The following TTLL7 variants were observed in gnomAD, a reference collection of about 807,000 sequenced individuals.
TTLL7 encodes tubulin polyglutamylase TTLL7.
In TTLL7, 53 loss-of-function variants were observed where a neutral mutation model predicts 120.2. The observed-to-expected ratio is 0.44, with a 90% CI of 0.35 to 0.55. TTLL7 has a LOEUF of 0.55. TTLL7 is among the 20% of genes least tolerant of loss of function. The pLI, the probability that TTLL7 is intolerant of heterozygous loss-of-function variation, is 0.00. For missense variants in TTLL7, 803 were observed against 1,054.7 expected (o/e 0.76, Z 3.31); for synonymous variants, 353 against 351.7 (o/e 1.00, Z -0.04).
At chr1:83,924,453 T>C (rs971777155) in intron 10 of TTLL7, among the ~76,000 whole-genome samples, 3 of 152,170 alleles carry the variant, frequency 2.0e-5, no homozygotes, top group African/African-American at 4.8e-5. Context: ...CCAGTTACTT[T>C]AAGCCAGTAA....
intron 8 of TTLL7, among the ~76,000 whole-genome samples, chr1:83,935,419 T>C (rs1300786364): frequency 7.2e-5 from 11 of 152,120 alleles, no homozygotes; most frequent in Admixed American, 3.3e-4. Context: ...TGAGGAGTCA[T>C]ATAAACAAAC....
chr1:83,870,025 C>A lies in TTLL7; in HGVS notation c.2601G>T (p.Lys867Asn). The change falls in exon 21 of 21, where the codon AAG becomes AAT. Residue 867 changes from lysine to asparagine, a missense_variant. Coordinates refer to ENST00000260505, the MANE Select transcript of TTLL7 (RefSeq NM_024686.6). Reference protein sequence around the residue: ...FFLRTPTYNLKYNSPGMTRSN... With the variant: ...FFLRTPTYNLNYNSPGMTRSN... ...AGCGAGTCATTCCAGGTGAATTGTACTTCAAGTTGTAGGTTGGTGTTCTCA... is the reference window on the plus strand; with the variant it reads ...AGCGAGTCATTCCAGGTGAATTGTAATTCAAGTTGTAGGTTGGTGTTCTCA... 6.3e-7 allele frequency: 1 copy of A among 1,586,996 alleles called. No individual in the cohort carries two copies. Among genetic ancestry groups the A allele is most frequent in the Non-Finnish European group, 8.5e-7 (1 of 1,170,066 alleles).
At chr1:83,952,449 G>A (rs1649146817) in intron 1 of TTLL7, 62 bp from the exon 2 acceptor site, 5 of 409,458 alleles carry the variant, frequency 1.2e-5, no homozygotes, top group South Asian at 1.3e-4. Flanking sequence ...TTTCATATAT[G>A]CCAAGACTAT....
chr1:83,972,469 G>A (rs776787373), intron 1 of TTLL7, among the ~76,000 whole-genome samples: 8 of 151,922 alleles, frequency 5.3e-5, no homozygotes, highest in South Asian at 2.1e-4. Context: ...ATAATATTCC[G>A]TTGTCTGGAT....
At chr1:83,915,582 G>A (rs1199910246) in intron 14 of TTLL7, among the ~76,000 whole-genome samples, 1 of 152,062 alleles carries the variant, frequency 6.6e-6, no homozygotes, top group Non-Finnish European at 1.5e-5. Flanking sequence ...ATAGGCATGG[G>A]CAAGGACTTC....
intron 1 of TTLL7, among the ~76,000 whole-genome samples, chr1:83,985,744 A>G (rs1652384175): frequency 6.6e-6 from 1 of 152,164 alleles, no homozygotes; most frequent in Non-Finnish European, 1.5e-5. Context: ...AACAGAATCT[A>G]AAGACAATAA....
At chr1:83,916,662 T>C (rs1318585545) in intron 14 of TTLL7, among the ~76,000 whole-genome samples, 1 of 151,720 alleles carries the variant, frequency 6.6e-6, no homozygotes, top group African/African-American at 2.4e-5. Context: ...GAAAATATGA[T>C]AGAAGACAAA....
rs1288832392 is a variant in TTLL7 at position 83,865,193 on chromosome 1, G to GTAA, written c.*4766_*4768dup. ...CAACATTTGCATTCATATACAGGTA[G>GTAA]TAAAGCACACGGGGATAATGTGAGT... On this transcript the variant is annotated 3_prime_UTR_variant, in exon 21 of 21. Coordinates refer to ENST00000260505, the MANE Select transcript of TTLL7 (RefSeq NM_024686.6). 1 of 151,948 alleles carries GTAA rather than the reference G, an allele frequency of 6.6e-6. No homozygotes were observed. The highest frequency in any genetic ancestry group is 1.5e-5 in the Non-Finnish European group (1 of 67,884). The allele number at this position is 151,948 out of a possible 1,614,324, so 9.4% of individuals were successfully genotyped here.
At chr1:83,975,614 CTGTT>C (rs750763965) in intron 1 of TTLL7, among the ~76,000 whole-genome samples, 12 of 152,110 alleles carry the variant, frequency 7.9e-5, no homozygotes, top group Non-Finnish European at 1.3e-4. Context: ...TAAGACAGGT[CTGTT>C]TGATTCTCAA....
chr1:83,985,698 T>C (rs1420955303), intron 1 of TTLL7, among the ~76,000 whole-genome samples: 1 of 151,666 alleles, frequency 6.6e-6, no homozygotes, highest in East Asian at 1.9e-4. Flanking sequence ...AATAAATAAA[T>C]AAATAAATAA....
At chr1:83,969,646 C>A (rs1925712) in intron 1 of TTLL7, among the ~76,000 whole-genome samples, 6,328 of 151,952 alleles carry the variant, frequency 0.042, 156 homozygotes, top group Middle Eastern at 0.097. Context: ...GGAATCAATC[C>A]TGATAAAATT....
rs1476097217 is a variant in TTLL7 at position 83,942,646 on chromosome 1, T to C, written c.540A>G (p.Pro180=). The change falls in exon 7 of 21, where the codon CCA becomes CCG. Residue 180 remains proline (P), a synonymous_variant. Coordinates refer to ENST00000260505, the MANE Select transcript of TTLL7 (RefSeq NM_024686.6). ...ISLIRNGDKL[P]SQDHLIVQEY... is the part of the protein sequence containing the mutation. ...CTTGAACAATCAAATGATCCTGAGA[T>C]GGAAGTTTGTCACCATTTCTTATCA... 2 of 1,613,250 alleles carry C rather than the reference T, an allele frequency of 1.2e-6. No individual in the cohort carries two copies. The highest frequency in any genetic ancestry group is 2.7e-5 in the African/African-American group (2 of 74,910).
At chr1:83,924,839 C>A (rs1424694103) in intron 10 of TTLL7, among the ~76,000 whole-genome samples, 2 of 151,960 alleles carry the variant, frequency 1.3e-5, no homozygotes, top group African/African-American at 4.8e-5. Context: ...TGAAACTGTA[C>A]CACAAAAGAG....
At position 83,892,719 on chromosome 1, in the gene TTLL7, T is replaced by TGAGCAC. The variant is rs1557567909; in HGVS notation, c.2209-2239_2209-2238insGTGCTC. Among the ~76,000 whole-genome samples, 40 of 39,848 alleles carry TGAGCAC rather than the reference T, an allele frequency of 1.0e-3. 3 individuals carry two copies. Among genetic ancestry groups the TGAGCAC allele is most frequent in the Non-Finnish European group, 1.5e-3 (31 of 20,846 alleles). 26.1% of individuals were successfully genotyped at this position (39,848 alleles called of 152,430 possible). ...ACATATATATGAACATATGAACATA[T>TGAGCAC]ATATGTGAACACATATATATGAGCG... On this transcript the variant is annotated intron_variant, in intron 18 of 20. Transcript: ENST00000260505.
At chr1:83,964,107 C>T (rs998737227) in intron 1 of TTLL7, among the ~76,000 whole-genome samples, 1 of 152,062 alleles carries the variant, frequency 6.6e-6, no homozygotes, top group East Asian at 1.9e-4. Flanking sequence ...ATAGACTTTA[C>T]GTGAAGGCCC....
At chr1:83,916,497 G>T (rs1004187361) in intron 14 of TTLL7, among the ~76,000 whole-genome samples, 2 of 138,850 alleles carry the variant, frequency 1.4e-5, no homozygotes. Flanking sequence ...GTTGTGGAGT[G>T]GGGGAGGGGG....
intron 19 of TTLL7, among the ~76,000 whole-genome samples, chr1:83,884,157 G>GGAGA (rs375684722): frequency 6.8e-6 from 1 of 146,904 alleles, no homozygotes; most frequent in Non-Finnish European, 1.5e-5. Context: ...AGAGAGAGAG[G>GGAGA]GAGAGAGAGA....
At chr1:83,987,275 TA>T (rs1259591942) in intron 1 of TTLL7, among the ~76,000 whole-genome samples, 1 of 151,296 alleles carries the variant, frequency 6.6e-6, no homozygotes, top group Non-Finnish European at 1.5e-5. Flanking sequence ...AAAAAAAAAT[TA>T]AAAAAATATA....
chr1:83,991,590 A>G (rs891282539), intron 1 of TTLL7, among the ~76,000 whole-genome samples: 2 of 152,070 alleles, frequency 1.3e-5, no homozygotes. Flanking sequence ...GCTGCAGTGA[A>G]CCATTATCAC....
Sources: gnomAD v4.1 joint callset for allele counts (sites outside exome capture counted in the v4.1 genomes callset) on GRCh38, gnomAD v4.1.1 for gene constraint, MANE v1.5 for transcripts, NCBI Gene and HGNC (gene_info 2026-07-23, HGNC 2026-07-21) for gene names.